COMMD1: variants seen among roughly 807,000 people sequenced by gnomAD.
The protein encoded by COMMD1 is COMM domain-containing protein 1.
Under a neutral mutation model 17.2 loss-of-function variants are expected in COMMD1, and 10 were observed. The ratio of observed to expected loss-of-function variants is 0.58; its 90% CI spans 0.36 to 0.99. The LOEUF is 0.99. Among genes scored for constraint, COMMD1 ranks in the 50% least tolerant of loss-of-function variants. COMMD1 has a pLI of 0.01. For synonymous variants in COMMD1, 97 were observed against 91.6 expected, an observed-to-expected ratio of 1.06 and a Z score of -0.34; for missense variants, 270 against 231.8, an observed-to-expected ratio of 1.17 and a Z score of -1.07.
intron 2 of COMMD1, among the ~76,000 whole-genome samples, chr2:62,086,510 C>CAAAA (rs36086221): frequency 8.5e-6 from 1 of 117,780 alleles, no homozygotes; most frequent in South Asian, 2.7e-4. Context: ...GACTCCGTCT[C>CAAAA]AAAAAAAAAA....
chr2:61,957,644 A>G (rs1000902782), intron 1 of COMMD1, among the ~76,000 whole-genome samples: 7 of 152,206 alleles, frequency 4.6e-5, no homozygotes, highest in Admixed American at 6.5e-5. Flanking sequence ...AGACAAATCA[A>G]CAAGAGGAAA....
At chr2:61,945,893 A>G (rs1443830547) in intron 1 of COMMD1, among the ~76,000 whole-genome samples, 1 of 152,224 alleles carries the variant, frequency 6.6e-6, no homozygotes, top group African/African-American at 2.4e-5. Flanking sequence ...TATGCTGCAG[A>G]TTAAACTTCC....
intron 1 of COMMD1, among the ~76,000 whole-genome samples, chr2:61,911,755 C>A (rs1193996842): frequency 6.6e-6 from 1 of 152,152 alleles, no homozygotes. Context: ...TGCGTTATAC[C>A]TCTTTACTCT....
At chr2:62,050,054 C>G (rs768780188) in intron 2 of COMMD1, among the ~76,000 whole-genome samples, 16 of 152,086 alleles carry the variant, frequency 1.1e-4, no homozygotes, top group East Asian at 1.9e-4. Context: ...ATCTCTATAA[C>G]AGCGCTTCAC....
chr2:61,947,963 AT>A (rs1670954943), intron 1 of COMMD1, among the ~76,000 whole-genome samples: 1 of 152,128 alleles, frequency 6.6e-6, no homozygotes, highest in African/African-American at 2.4e-5. Context: ...CATCTAATAA[AT>A]ATATTAGCTT....
intron 2 of COMMD1, among the ~76,000 whole-genome samples, chr2:62,110,912 A>T (rs1236840401): frequency 1.3e-5 from 2 of 151,726 alleles, no homozygotes; most frequent in East Asian, 1.9e-4. Context: ...AGGGGTAAAC[A>T]TCAGGCTTAA....
intron 1 of COMMD1, among the ~76,000 whole-genome samples, chr2:61,960,678 A>G (rs919748886): frequency 6.6e-6 from 1 of 152,164 alleles, no homozygotes; most frequent in Non-Finnish European, 1.5e-5. Flanking sequence ...CATCATGTCT[A>G]GGGCTTTCCT....
At chr2:62,132,710 G>A (rs538232568) in intron 2 of COMMD1, among the ~76,000 whole-genome samples, 122 of 152,178 alleles carry the variant, frequency 8.0e-4, no homozygotes, top group Middle Eastern at 3.4e-3. Context: ...TTAGCCAGGC[G>A]TGGTAGTGCA....
chr2:61,927,038 C>A (rs560223465), intron 1 of COMMD1, among the ~76,000 whole-genome samples: 1 of 152,048 alleles, frequency 6.6e-6, no homozygotes, highest in Non-Finnish European at 1.5e-5. Context: ...AATAAATGTT[C>A]CCATGAATTG....
intron 2 of COMMD1, among the ~76,000 whole-genome samples, chr2:62,061,928 A>G (rs1670871225): frequency 6.6e-6 from 1 of 151,634 alleles, no homozygotes; most frequent in African/African-American, 2.4e-5. Context: ...TATGTGCTAC[A>G]TAAATTTCAG....
At chr2:62,134,875 G>C (rs572871122) in intron 2 of COMMD1, among the ~76,000 whole-genome samples, 24 of 152,140 alleles carry the variant, frequency 1.6e-4, no homozygotes, top group Admixed American at 8.5e-4. Flanking sequence ...AGGAGGGTTG[G>C]CTTGCAGCAA....
chr2:62,049,345 G>A (rs1670475862), intron 2 of COMMD1, among the ~76,000 whole-genome samples: 1 of 151,966 alleles, frequency 6.6e-6, no homozygotes, highest in African/African-American at 2.4e-5. Flanking sequence ...GACATATATT[G>A]GCAGGCCCCC....
At chr2:61,932,998 A>C (rs1670508094) in intron 1 of COMMD1, among the ~76,000 whole-genome samples, 1 of 152,094 alleles carries the variant, frequency 6.6e-6, no homozygotes, top group African/African-American at 2.4e-5. Flanking sequence ...ATCAGGTCAC[A>C]CAAACAGATT....
chr2:62,042,455 C>G (rs532985358), intron 2 of COMMD1, among the ~76,000 whole-genome samples: 12 of 152,334 alleles, frequency 7.9e-5, no homozygotes, highest in African/African-American at 2.9e-4. Flanking sequence ...GGCACCTAGC[C>G]TGGGCACTCC....
At chr2:62,040,780 G>A (rs921105429) in intron 2 of COMMD1, among the ~76,000 whole-genome samples, 2 of 151,670 alleles carry the variant, frequency 1.3e-5, no homozygotes, top group Non-Finnish European at 2.9e-5. Flanking sequence ...GCGCGATCTC[G>A]ACTCACTGCA....
At chr2:62,034,407 T>G (rs1448803873) in intron 2 of COMMD1, among the ~76,000 whole-genome samples, 1 of 152,012 alleles carries the variant, frequency 6.6e-6, no homozygotes, top group African/African-American at 2.4e-5. Flanking sequence ...AGCTGAGGCA[T>G]TGCTTGAACC....
chr2:62,120,913 C>G (rs372603006), intron 2 of COMMD1, among the ~76,000 whole-genome samples: 2 of 151,808 alleles, frequency 1.3e-5, no homozygotes, highest in East Asian at 1.9e-4. Context: ...TTTTGTTTTT[C>G]TTTTTGTTTT....
At chr2:61,911,820 C>A (rs1669915180) in intron 1 of COMMD1, among the ~76,000 whole-genome samples, 1 of 152,218 alleles carries the variant, frequency 6.6e-6, no homozygotes, top group African/African-American at 2.4e-5. Context: ...GAATAAAATT[C>A]AGTCCTTCTG....
intron 1 of COMMD1, among the ~76,000 whole-genome samples, chr2:61,958,600 A>G (rs1671258702): frequency 6.6e-6 from 1 of 152,128 alleles, no homozygotes; most frequent in Admixed American, 6.5e-5. Context: ...ACACAGTCAT[A>G]ATGTATGAAT....
Sources: allele counts gnomAD v4.1 joint callset (sites outside exome capture counted in the v4.1 genomes callset), GRCh38; gene constraint gnomAD v4.1.1; transcripts MANE v1.5; gene names NCBI Gene and HGNC (gene_info 2026-07-23, HGNC 2026-07-21).